SLC37A2: variants seen among roughly 807,000 people sequenced by gnomAD.
SLC37A2 encodes solute carrier family 37 member 2, also known as glucose-6-phosphate exchanger SLC37A2.
In SLC37A2, 59 loss-of-function variants were observed where a neutral mutation model predicts 70.7. The ratio of observed to expected loss-of-function variants is 0.83; its 90% CI spans 0.68 to 1.04. SLC37A2 has a LOEUF of 1.04. Ranked by LOEUF, SLC37A2 falls within the 50% of genes least tolerant of loss-of-function variation. The pLI is 0.00. For synonymous variants in SLC37A2, 257 were observed against 262.1 expected, an observed-to-expected ratio of 0.98 and a Z score of 0.19; for missense variants, 580 against 658.1, an observed-to-expected ratio of 0.88 and a Z score of 1.30.
Position 125,080,591 on chromosome 11 carries a change from T to C in SLC37A2, c.528-23T>C. 6.9e-7 allele frequency: 1 copy of C among 1,454,050 alleles called. No homozygotes were observed. The highest frequency in any genetic ancestry group is 9.1e-7 in the Non-Finnish European group (1 of 1,094,688). 90.1% of individuals were successfully genotyped at this position (1,454,050 alleles called of 1,614,324 possible). A position where few individuals can be genotyped will look rare whatever the true frequency, so the allele number is the denominator to read the frequency against. ...TTTGCTTTTTACTTTTTATACCTCT[T>C]CCCTTCTCTCCCTCCCTTCCAGGCG... On this transcript the variant is annotated intron_variant, in intron 6 of 17. Coordinates refer to ENST00000403796, the MANE Select transcript of SLC37A2 (RefSeq NM_001145290.2). The surrounding 1 kb of genome is among the most constrained non-coding windows in gnomAD (Gnocchi z 4.3).
chr11:125,070,589 T>A (rs1949020364), intron 1 of SLC37A2, among the ~76,000 whole-genome samples: 1 of 152,162 alleles, frequency 6.6e-6, no homozygotes, highest in Non-Finnish European at 1.5e-5. Context: ...CTCTCAAATC[T>A]TACTTTCCTG....
rs749359387 is a variant in SLC37A2 at position 125,081,768 on chromosome 11, G to A, written c.747G>A (p.Glu249=). 6 of 1,602,274 alleles carry A rather than the reference G, an allele frequency of 3.7e-6. No homozygotes were observed. The East Asian group carries it at 1.3e-4, about 36-fold the overall frequency. Reference sequence around the variant, plus strand: ...CCTCTGCTCAGGGTGAGCCAGCTGAGAACCAGGACAACCCTGAGGACCCTG... The same window carrying A: ...CCTCTGCTCAGGGTGAGCCAGCTGAAAACCAGGACAACCCTGAGGACCCTG... ...APPQHHGEPA[E]NQDNPEDPGN... The change falls in exon 9 of 18, where the codon GAG becomes GAA. Residue 249 remains glutamate (E), a synonymous_variant. Transcript: ENST00000403796.
intron 14 of SLC37A2, 70 bp from the exon 15 acceptor site, chr11:125,085,325 C>A: frequency 6.7e-7 from 1 of 1,483,520 alleles, no homozygotes; most frequent in Non-Finnish European, 9.3e-7. Context: ...CTGAGTCAGC[C>A]CCTCTCCTGT....
chr11:125,077,222 C>T lies in SLC37A2; in HGVS notation c.142-8C>T. ...ACCCCTGACCTGTATGTCCCATTGCCTATCCAGAGCCGTCTGCACCAGAAC... is the reference window on the plus strand; with the variant it reads ...ACCCCTGACCTGTATGTCCCATTGCTTATCCAGAGCCGTCTGCACCAGAAC... On this transcript the variant is annotated splice_region_variant and splice_polypyrimidine_tract_variant and intron_variant, in intron 2 of 17. Transcript: ENST00000403796. The T allele has an allele frequency of 3.8e-6, 6 of 1,572,258 alleles. No homozygotes were observed. Among genetic ancestry groups the T allele is most frequent in the Non-Finnish European group, 4.3e-6 (5 of 1,160,082 alleles).
intron 17 of SLC37A2, chr11:125,087,217 C>G (rs2135579043): frequency 6.6e-6 from 1 of 152,468 alleles, no homozygotes. Flanking sequence ...CTCGCAGCAG[C>G]CTCTCATTGA....
At position 125,077,236 on chromosome 11, in the gene SLC37A2, C is replaced by T. The variant is rs773043662; in HGVS notation, c.148C>T (p.Leu50=). 1.3e-6 allele frequency: 2 copies of T among 1,589,306 alleles called. No individual in the cohort carries two copies. Among genetic ancestry groups the T allele is most frequent in the Non-Finnish European group, 1.7e-6 (2 of 1,168,662 alleles). The change falls in exon 3 of 18, where the codon CTG becomes TTG. Residue 50 remains leucine, a synonymous_variant. Coordinates refer to ENST00000403796, the MANE Select transcript of SLC37A2 (RefSeq NM_001145290.2). The stretch of plus-strand genomic sequence containing the variant: ...TGTCCCATTGCCTATCCAGAGCCGT[C>T]TGCACCAGAACTGCTCGGAGCAGAT... ...RKPISIVKSR[L]HQNCSEQIKP... is the part of the protein sequence containing the mutation.
chr11:125,085,834 C>T, intron 16 of SLC37A2, 120 bp from the exon 17 acceptor site: 1 of 1,250,524 alleles, frequency 8.0e-7, no homozygotes, highest in South Asian at 1.2e-5. Flanking sequence ...GACCCCTTGC[C>T]AAGTGGCAGC....
At chr11:125,085,784 C>T in intron 16 of SLC37A2, 110 bp downstream of exon 16, 1 of 1,318,918 alleles carries the variant, frequency 7.6e-7, no homozygotes, top group African/African-American at 1.4e-5. Context: ...GCAATGAGAG[C>T]AGCTGCCCTT....
chr11:125,071,323 C>T (rs1243861463), intron 1 of SLC37A2, among the ~76,000 whole-genome samples: 3 of 152,204 alleles, frequency 2.0e-5, no homozygotes, highest in Admixed American at 2.0e-4. Context: ...GAGACACCAA[C>T]TTAAAACCTG....
At position 125,078,420 on chromosome 11, in the gene SLC37A2, T is replaced by C. The variant is rs533050405; in HGVS notation, c.315-692T>C. The stretch of plus-strand genomic sequence containing the variant: ...AGACTGGTCATACAGAGTGACCAAT[T>C]TGACAGTAGCCCAAGCTGTTGAGCT... On this transcript the variant is annotated intron_variant, in intron 4 of 17. Transcript: ENST00000403796. 5.2e-4 allele frequency among the ~76,000 whole-genome samples: 79 copies of C among 152,310 alleles called. 1 individual carries two copies. The highest frequency in any genetic ancestry group is 1.6e-3 in the African/African-American group (67 of 41,568).
Position 125,081,462 on chromosome 11 carries a change from A to G in SLC37A2, c.732+4A>G, listed in dbSNP as rs1422908195. 1.9e-6 allele frequency: 3 copies of G among 1,608,908 alleles called. No individual in the cohort carries two copies. In the African/African-American group the frequency reaches 4.0e-5, roughly 22 times the overall value. Reference sequence around the variant, plus strand: ...CTGCGCCCCTCCTCAGCACCACGTGAGTGTGAGCCCTCCCAGCCCTATCCC... The same window carrying G: ...CTGCGCCCCTCCTCAGCACCACGTGGGTGTGAGCCCTCCCAGCCCTATCCC... On this transcript the variant is annotated splice_donor_region_variant and intron_variant, in intron 8 of 17. Coordinates refer to ENST00000403796, the MANE Select transcript of SLC37A2 (RefSeq NM_001145290.2).
At chr11:125,086,559 A>G (rs961526138) in intron 17 of SLC37A2, 9 of 401,780 alleles carry the variant, frequency 2.2e-5, no homozygotes, top group Non-Finnish European at 3.7e-5. Context: ...ACTGAGCTGC[A>G]AGTGCCTCCT....
chr11:125,088,339 T>C lies in SLC37A2; in HGVS notation c.*205T>C, dbSNP rs1273697646. On this transcript the variant is annotated 3_prime_UTR_variant, in exon 18 of 18. Coordinates refer to ENST00000403796, the MANE Select transcript of SLC37A2 (RefSeq NM_001145290.2). ...CTGCCAAGCATGAGGAAATAGAAGA[T>C]TCAGGGGCCTGAGCTCTGGAAGCTG... is the stretch of plus-strand genomic sequence containing the variant. 3 of 608,944 alleles carry C rather than the reference T, an allele frequency of 4.9e-6. No individual in the cohort carries two copies. Among genetic ancestry groups the C allele is most frequent in the East Asian group, 2.8e-5 (1 of 35,852 alleles). 37.7% of individuals were successfully genotyped at this position (608,944 alleles called of 1,614,324 possible).
chr11:125,086,499 C>T (rs1591635815), intron 17 of SLC37A2: 3 of 526,524 alleles, frequency 5.7e-6, no homozygotes, highest in East Asian at 3.4e-5. Context: ...GACATGCCCT[C>T]GGGGACAGAG....
At chr11:125,064,434 T>C (rs1948963096) in intron 1 of SLC37A2, among the ~76,000 whole-genome samples, 1 of 152,118 alleles carries the variant, frequency 6.6e-6, no homozygotes, top group African/African-American at 2.4e-5. Flanking sequence ...ATTAAATGAA[T>C]AGGATTGAGG....
In SLC37A2 at chr11:125,085,057, C is replaced by G; in HGVS notation, c.1175-9C>G. ...GCTTCTCTGACTGGCTGTCTCTATGCTGTCCCAGTGATGCTGATCATCTGT... is the reference window on the plus strand; with the variant it reads ...GCTTCTCTGACTGGCTGTCTCTATGGTGTCCCAGTGATGCTGATCATCTGT... On this transcript the variant is annotated splice_polypyrimidine_tract_variant and intron_variant, in intron 13 of 17. Transcript: ENST00000403796. 1 of 1,613,878 alleles carries G rather than the reference C, an allele frequency of 6.2e-7. No homozygotes were observed. Among genetic ancestry groups the G allele is most frequent in the Non-Finnish European group, 8.5e-7 (1 of 1,179,808 alleles).
At position 125,084,866 on chromosome 11, in the gene SLC37A2, C is replaced by A. The variant is rs982673222; in HGVS notation, c.1167C>A (p.Ser389Arg). The A allele has an allele frequency of 6.8e-6, 11 of 1,613,588 alleles. No individual in the cohort carries two copies. The highest frequency in any genetic ancestry group is 5.0e-5 in the Admixed American group (3 of 59,948). Residue 389 changes from serine (S) to arginine (R), a missense_variant, in exon 13 of 18, where the codon AGC (serine) becomes AGA (arginine). Transcript: ENST00000403796. ...ACATTGGCCAGGACGGGATTGCCAG[C>A]TCCATAGGTGAGGAGGAGGTTGCAA... is the stretch of plus-strand genomic sequence containing the variant. ...YNYIGQDGIA[S>R]SIVMLIICGG...
chr11:125,081,351 C>G lies in SLC37A2; in HGVS notation c.695-70C>G, dbSNP rs1343686491. On this transcript the variant is annotated intron_variant, in intron 7 of 17. Transcript: ENST00000403796. ...GCTTAGATCCAGTGCAAGGTGAGGG[C>G]CTGGCAATCACCTCGGGATTGGGGG... is the stretch of plus-strand genomic sequence containing the variant. 3 of 1,492,572 alleles carry G rather than the reference C, an allele frequency of 2.0e-6. No homozygotes were observed. In the African/African-American group the frequency reaches 4.2e-5, roughly 21 times the overall value. 92.5% of individuals were successfully genotyped at this position (1,492,572 alleles called of 1,614,324 possible). A position where few individuals can be genotyped will look rare whatever the true frequency, so the allele number is the denominator to read the frequency against.
At chr11:125,076,938 C>A in intron 2 of SLC37A2, 100 bp downstream of exon 2, 1 of 1,125,726 alleles carries the variant, frequency 8.9e-7, no homozygotes, top group East Asian at 2.5e-5. Context: ...ACCTGGCAGG[C>A]TCCCACTCTC....
Sources: gnomAD v4.1 joint callset for allele counts (sites outside exome capture counted in the v4.1 genomes callset) on GRCh38, gnomAD v4.1.1 for gene constraint, Gnocchi (gnomAD v3.1) non-coding constraint, MANE v1.5 for transcripts, NCBI Gene and HGNC (gene_info 2026-07-23, HGNC 2026-07-21) for gene names.